The following CLASP1 variants were observed in gnomAD, a reference collection of about 807,000 sequenced individuals.
CLASP1 encodes the protein CLIP-associating protein 1.
In CLASP1, 38 loss-of-function variants were observed where a neutral mutation model predicts 192.3. The observed-to-expected ratio is 0.20, with a 90% CI of 0.15 to 0.26. CLASP1 has a LOEUF of 0.26. CLASP1 is among the 10% of genes least tolerant of loss of function. The pLI is 1.00. For missense variants in CLASP1, 1,433 were observed against 1,932.5 expected, an observed-to-expected ratio of 0.74 and a Z score of 4.85; for synonymous variants, 691 against 712.8, an observed-to-expected ratio of 0.97 and a Z score of 0.49.
chr2:121,406,811 G>A (rs565358427), intron 25 of CLASP1, among the ~76,000 whole-genome samples: 18 of 152,092 alleles, frequency 1.2e-4, no homozygotes, highest in African/African-American at 2.2e-4. Flanking sequence ...GGCTGGTCTC[G>A]AACTCCTGGA....
At chr2:121,563,280 C>T (rs1190977952) in intron 2 of CLASP1, among the ~76,000 whole-genome samples, 5 of 152,150 alleles carry the variant, frequency 3.3e-5, no homozygotes, top group Admixed American at 6.5e-5. Context: ...TGTCAAGAAA[C>T]GACCGCCTGA....
exon 32 of CLASP1, chr2:121,387,178 G>C (rs781225595): frequency 1.9e-6 from 3 of 1,612,580 alleles, no homozygotes; most frequent in Non-Finnish European, 1.7e-6. Flanking sequence ...GGCTGGTCCT[G>C]CTGCTGGTGT....
intron 7 of CLASP1, among the ~76,000 whole-genome samples, chr2:121,511,702 G>A (rs1423102312): frequency 6.6e-6 from 1 of 152,010 alleles, no homozygotes; most frequent in African/African-American, 2.4e-5. Context: ...CAATTATTAG[G>A]AGAACAGTAA....
At position 121,517,753 on chromosome 2, in the gene CLASP1, G is replaced by C. The variant is rs141272913; in HGVS notation, c.547-1991C>G. On this transcript the variant is annotated intron_variant, in intron 6 of 39. Transcript: ENST00000263710. ...ACTCAGCTACAGTCCTACCTACTTGGGGGGGCCTGAGGTAAGAGGATTACT... is the reference window on the plus strand; with the variant it reads ...ACTCAGCTACAGTCCTACCTACTTGCGGGGGCCTGAGGTAAGAGGATTACT... 1.3e-4 allele frequency among the ~76,000 whole-genome samples: 20 copies of C among 151,448 alleles called. 1 individual carries two copies. The highest frequency in any genetic ancestry group is 1.1e-3 in the Admixed American group (16 of 15,158).
chr2:121,339,090 T>G (rs1256262168), exon 40 of CLASP1: 3 of 151,540 alleles, frequency 2.0e-5, no homozygotes, highest in Non-Finnish European at 2.9e-5. Context: ...AGCAGTGAGG[T>G]ACCACACATG....
intron 2 of CLASP1, among the ~76,000 whole-genome samples, chr2:121,584,887 T>C (rs7600818): frequency 0.22 from 33,187 of 152,166 alleles, 6,940 homozygotes; most frequent in African/African-American, 0.55. Context: ...CAAAGGCAAG[T>C]AGTGATAGTG....
intron 26 of CLASP1, 98 bp downstream of exon 27, chr2:121,404,273 G>A: frequency 2.6e-6 from 4 of 1,538,204 alleles, no homozygotes; most frequent in Non-Finnish European, 3.5e-6. Context: ...GGTCGGAACT[G>A]CACTATCGGG....
intron 2 of CLASP1, among the ~76,000 whole-genome samples, chr2:121,560,191 T>C (rs992121800): frequency 6.6e-6 from 1 of 152,224 alleles, no homozygotes. Context: ...ACTTGAATAC[T>C]ACAGAATACA....
intron 8 of CLASP1, among the ~76,000 whole-genome samples, chr2:121,480,521 G>A (rs2092505292): frequency 6.6e-6 from 1 of 152,196 alleles, no homozygotes; most frequent in Non-Finnish European, 1.5e-5. Flanking sequence ...GCTCGCACTG[G>A]GTAGTGAGCC....
intron 8 of CLASP1, among the ~76,000 whole-genome samples, chr2:121,495,661 C>G (rs1048629270): frequency 1.3e-5 from 2 of 151,730 alleles, no homozygotes; most frequent in Non-Finnish European, 2.9e-5. Flanking sequence ...AACTCCATCT[C>G]AAAAAAACGA....
At chr2:121,553,594 G>A (rs918783898) in intron 2 of CLASP1, among the ~76,000 whole-genome samples, 1 of 152,038 alleles carries the variant, frequency 6.6e-6, no homozygotes, top group Admixed American at 6.6e-5. Context: ...CCAGCTACTA[G>A]GTTGGCTGAG....
At chr2:121,481,659 C>T (rs558092384) in intron 8 of CLASP1, among the ~76,000 whole-genome samples, 1 of 152,296 alleles carries the variant, frequency 6.6e-6, no homozygotes, top group Non-Finnish European at 1.5e-5. Context: ...GTGATTTGGT[C>T]TCAAACTAAT....
At chr2:121,584,590 T>A (rs530569623) in intron 2 of CLASP1, among the ~76,000 whole-genome samples, 21 of 150,812 alleles carry the variant, frequency 1.4e-4, no homozygotes, top group African/African-American at 3.4e-4. Flanking sequence ...AGAATAGATT[T>A]AAAAAAAAAT....
intron 39 of CLASP1, among the ~76,000 whole-genome samples, chr2:121,342,164 C>T (rs2062860384): frequency 6.6e-6 from 1 of 151,832 alleles, no homozygotes; most frequent in Admixed American, 6.6e-5. Flanking sequence ...CTCGGAGGCC[C>T]AGGCTGGAGT....
intron 28 of CLASP1, among the ~76,000 whole-genome samples, chr2:121,399,981 A>G (rs747725014): frequency 3.0e-4 from 46 of 152,168 alleles, no homozygotes; most frequent in Middle Eastern, 6.8e-3. Flanking sequence ...CCATGTCCCA[A>G]TGTGGCCACA....
intron 1 of CLASP1, among the ~76,000 whole-genome samples, chr2:121,609,330 A>G (rs891184330): frequency 6.6e-5 from 10 of 152,246 alleles, no homozygotes; most frequent in African/African-American, 2.2e-4. Flanking sequence ...TAATTATGCA[A>G]CAAAGGCTTA....
chr2:121,434,533 T>A (rs2081985474), intron 19 of CLASP1, among the ~76,000 whole-genome samples: 1 of 152,160 alleles, frequency 6.6e-6, no homozygotes, highest in African/African-American at 2.4e-5. Flanking sequence ...CCCAAAGTGC[T>A]CAGATTATAG....
chr2:121,350,378 G>A (rs1015698070), intron 37 of CLASP1, among the ~76,000 whole-genome samples: 1 of 152,172 alleles, frequency 6.6e-6, no homozygotes, highest in African/African-American at 2.4e-5. Context: ...AGGGAGTGTG[G>A]GAAATGGACA....
chr2:121,539,512 C>T (rs182730697), intron 2 of CLASP1, among the ~76,000 whole-genome samples: 2 of 152,244 alleles, frequency 1.3e-5, no homozygotes, highest in African/African-American at 2.4e-5. Flanking sequence ...AATAGATAAA[C>T]GTGCAGAAAG....
Sources: gnomAD v4.1 joint callset for allele counts (sites outside exome capture counted in the v4.1 genomes callset) on GRCh38, gnomAD v4.1.1 for gene constraint, MANE v1.5 for transcripts, NCBI Gene and HGNC (gene_info 2026-07-23, HGNC 2026-07-21) for gene names.